Variants in DPH6 observed in about 807,000 individuals in gnomAD.
DPH6 encodes diphthamine biosynthesis 6.
In DPH6, 33 loss-of-function variants were observed where a neutral mutation model predicts 38.2. That is an observed-to-expected ratio of 0.86 (90% CI 0.65 to 1.15). The LOEUF (loss-of-function observed/expected upper bound fraction) is 1.15, where lower values mean the gene tolerates loss of function less well. Among genes scored for constraint, DPH6 ranks in the 50% most tolerant of loss-of-function variants. The pLI is 0.00. For missense variants in DPH6, 325 were observed against 320.0 expected, an observed-to-expected ratio of 1.02 and a Z score of -0.12; for synonymous variants, 108 against 103.0, an observed-to-expected ratio of 1.05 and a Z score of -0.30.
At chr15:35,260,355 C>A (rs1390325090) in intron 3 of DPH6, among the ~76,000 whole-genome samples, 1 of 152,104 alleles carries the variant, frequency 6.6e-6, no homozygotes, top group African/African-American at 2.4e-5. Flanking sequence ...ATCCACCCAC[C>A]TCGGCCTCCC....
At chr15:35,268,485 C>T (rs951865029) in intron 3 of DPH6, among the ~76,000 whole-genome samples, 1 of 151,390 alleles carries the variant, frequency 6.6e-6, no homozygotes, top group South Asian at 2.1e-4. Context: ...CTTGAGGTCT[C>T]CTATTTTGGG....
At chr15:35,145,312 T>C in the DPH6 span, among the ~76,000 whole-genome samples, 2 of 152,246 alleles carry the variant, frequency 1.3e-5, no homozygotes, top group East Asian at 1.9e-4. Context: ...ATCTTTCATG[T>C]TGGCACTTAA....
chr15:35,431,793 G>GT lies in DPH6; in HGVS notation c.505+18891dup, dbSNP rs969346791. Among the ~76,000 whole-genome samples the GT allele has an allele frequency of 1.5e-3, 226 of 147,412 alleles. 1 individual carries two copies. Among genetic ancestry groups the GT allele is most frequent in the Middle Eastern group, 3.5e-3 (1 of 286 alleles). Reference sequence around the variant, plus strand: ...CCCTTAGAACCAATCACTTGGCAAAGTTTTTTTTTTTGGAGATGGAGTCTC... The same window carrying GT: ...CCCTTAGAACCAATCACTTGGCAAAGTTTTTTTTTTTTGGAGATGGAGTCTC... On this transcript the variant is annotated intron_variant, in intron 5 of 8. Transcript: ENST00000256538.
the DPH6 span, among the ~76,000 whole-genome samples, chr15:35,182,926 T>C: frequency 6.6e-6 from 1 of 152,172 alleles, no homozygotes; most frequent in Non-Finnish European, 1.5e-5. Flanking sequence ...CTATTTCCCT[T>C]CTTTGATAAA....
intron 5 of DPH6, among the ~76,000 whole-genome samples, chr15:35,425,132 T>C (rs926327079): frequency 6.6e-6 from 1 of 151,598 alleles, no homozygotes; most frequent in African/African-American, 2.4e-5. Flanking sequence ...CCTGCAAATG[T>C]TATAACATAC....
intron 3 of DPH6, among the ~76,000 whole-genome samples, chr15:35,526,688 A>G (rs796418869): frequency 2.9e-4 from 44 of 152,312 alleles, no homozygotes; most frequent in African/African-American, 1.0e-3. Flanking sequence ...TTTCACACTT[A>G]AGTCCTTGCT....
At chr15:35,407,851 G>A (rs980869482) in intron 6 of DPH6, among the ~76,000 whole-genome samples, 2 of 151,988 alleles carry the variant, frequency 1.3e-5, no homozygotes, top group Non-Finnish European at 1.5e-5. Flanking sequence ...GATGCTGATC[G>A]TACAGGGTCT....
chr15:35,339,944 T>G (rs759853112), intron 3 of DPH6, among the ~76,000 whole-genome samples: 17 of 152,180 alleles, frequency 1.1e-4, no homozygotes, highest in Non-Finnish European at 2.4e-4. Context: ...TTGTTAATTT[T>G]CTGTCTCAAT....
Position 35,477,360 on chromosome 15 carries a change from C to T in DPH6, c.313-22540G>A, listed in dbSNP as rs930673395. ...CTTGGAGTTGTTGCACTTTGTTATACAACACGAAATATTTTTTGAAGTAAA... is the reference window on the plus strand; with the variant it reads ...CTTGGAGTTGTTGCACTTTGTTATATAACACGAAATATTTTTTGAAGTAAA... On this transcript the variant is annotated intron_variant, in intron 3 of 8. Transcript: ENST00000256538. 4.6e-5 allele frequency among the ~76,000 whole-genome samples: 7 copies of T among 151,642 alleles called. No individual in the cohort carries two copies. In the East Asian group the frequency reaches 1.4e-3, roughly 29 times the overall value.
intron 5 of DPH6, among the ~76,000 whole-genome samples, chr15:35,427,081 C>T (rs890365468): frequency 1.5e-4 from 23 of 151,352 alleles, no homozygotes; most frequent in African/African-American, 4.4e-4. Context: ...GTAGGACTAA[C>T]GGCTGAGTTT....
In DPH6 at chr15:35,242,877, G is replaced by A. The variant is rs1289284587; in HGVS notation, n.201-22295C>T. On this transcript the variant is annotated intron_variant and non_coding_transcript_variant, in intron 3 of 3. Transcript: ENST00000560386. ...CTGTCTAGTCATACTCCTATTCACC[G>A]TTCTCAACTACTCATACATGCCCTG... Among the ~76,000 whole-genome samples the A allele has an allele frequency of 5.6e-5, 8 of 141,992 alleles. 1 individual carries two copies. The East Asian group carries it at 1.8e-3, about 31-fold the overall frequency. 93.2% of individuals were successfully genotyped at this position (141,992 alleles called of 152,430 possible).
the DPH6 span, among the ~76,000 whole-genome samples, chr15:35,146,069 CTG>C: frequency 0.082 from 11,994 of 147,000 alleles, 537 homozygotes; most frequent in Middle Eastern, 0.14. Context: ...CTTATAGTTT[CTG>C]TGTGTGTGTG....
chr15:35,302,132 A>G (rs2052058659), intron 3 of DPH6, among the ~76,000 whole-genome samples: 1 of 152,200 alleles, frequency 6.6e-6, no homozygotes, highest in Admixed American at 6.5e-5. Flanking sequence ...ACTAAGACAA[A>G]TCAAACTGAA....
chr15:35,342,778 A>G (rs552614305), intron 3 of DPH6, among the ~76,000 whole-genome samples: 15 of 152,306 alleles, frequency 9.8e-5, no homozygotes, highest in Non-Finnish European at 1.9e-4. Flanking sequence ...AAACTAAGGT[A>G]ATTAATTCAT....
chr15:35,491,766 TAA>T (rs1226657768), intron 3 of DPH6, among the ~76,000 whole-genome samples: 1 of 150,738 alleles, frequency 6.6e-6, no homozygotes. Context: ...TATACACATA[TAA>T]ATATATGTAT....
chr15:35,514,779 A>C (rs1161552185), intron 3 of DPH6, among the ~76,000 whole-genome samples: 2 of 152,210 alleles, frequency 1.3e-5, no homozygotes, highest in Non-Finnish European at 2.9e-5. Context: ...TCAAGATATT[A>C]ATCAAAATTA....
rs2053221545 is a variant in DPH6 at position 35,401,670 on chromosome 15, T to C, written c.567+9165A>G. 8.0e-6 allele frequency: 6 copies of C among 747,894 alleles called. No individual in the cohort carries two copies. In the South Asian group the frequency reaches 8.1e-5, roughly 10 times the overall value. 46.3% of individuals were successfully genotyped at this position (747,894 alleles called of 1,614,324 possible). On this transcript the variant is annotated intron_variant, in intron 6 of 8. Coordinates refer to ENST00000256538, the MANE Select transcript of DPH6 (RefSeq NM_080650.4). ...CTTTGGAGGCAGAAACTCTGGCTCC[T>C]ATGGTGTTGGAGGCCAATACTTTGC...
rs191737135 is a variant in DPH6 at position 35,363,163 on chromosome 15, T to C, written n.207+10358A>G. The stretch of plus-strand genomic sequence containing the variant: ...TGTTTGTAGGGTCACGTTTGCTAAT[T>C]GTGTTATTTTAATTTTCTATATCCT... On this transcript the variant is annotated intron_variant and non_coding_transcript_variant, in intron 3 of 3. Coordinates refer to the DPH6 transcript ENST00000558973. Among the ~76,000 whole-genome samples, 3 of 152,260 alleles carry C rather than the reference T, an allele frequency of 2.0e-5. No homozygotes were observed. The East Asian group carries it at 5.8e-4, about 29-fold the overall frequency.
chr15:35,353,004 T>G (rs2052528819), intron 3 of DPH6, among the ~76,000 whole-genome samples: 1 of 152,172 alleles, frequency 6.6e-6, no homozygotes, highest in African/African-American at 2.4e-5. Flanking sequence ...CTCATTGTGG[T>G]TTTGATTTGC....
Sources: gnomAD v4.1 joint callset for allele counts (sites outside exome capture counted in the v4.1 genomes callset) on GRCh38, gnomAD v4.1.1 for gene constraint, MANE v1.5 for transcripts, NCBI Gene and HGNC (gene_info 2026-07-23, HGNC 2026-07-21) for gene names.